Variants in UBN2 observed in about 807,000 individuals in gnomAD.
UBN2 encodes ubinuclein 2, also known as ubinuclein-2.
Under a neutral mutation model 120.2 loss-of-function variants are expected in UBN2, and 35 were observed. The ratio of observed to expected loss-of-function variants is 0.29; its 90% confidence interval spans 0.22 to 0.39. UBN2 has a LOEUF of 0.39. Ranked by LOEUF, UBN2 falls within the 10% of genes least tolerant of loss-of-function variation. UBN2 has a pLI of 1.00. For missense variants in UBN2, 1,693 were observed against 1,663.2 expected (o/e 1.02, Z -0.31); for synonymous variants, 661 against 648.7 (o/e 1.02, Z -0.29).
intron 2 of UBN2, among the ~76,000 whole-genome samples, chr7:139,248,841 C>G (rs1432184320): frequency 6.6e-6 from 1 of 152,054 alleles, no homozygotes; most frequent in African/African-American, 2.4e-5. Context: ...CTCTCTCTTT[C>G]CTTTTCCTGA....
intron 2 of UBN2, among the ~76,000 whole-genome samples, chr7:139,237,860 G>T (rs1796207927): frequency 6.6e-6 from 1 of 152,056 alleles, no homozygotes; most frequent in African/African-American, 2.4e-5. Context: ...GTGAATGTGT[G>T]TACTTCTAAG....
In UBN2 at chr7:139,308,041, T is replaced by TA. The variant is rs1798395121; in HGVS notation, c.*10207dup. 3 of 148,102 alleles carry TA rather than the reference T, an allele frequency of 2.0e-5. No individual in the cohort carries two copies. The highest frequency in any genetic ancestry group is 7.7e-5 in the African/African-American group (3 of 38,816). 9.2% of individuals were successfully genotyped at this position (148,102 alleles called of 1,614,324 possible). A position where few individuals can be genotyped will look rare whatever the true frequency, so the allele number is the denominator to read the frequency against. On this transcript the variant is annotated 3_prime_UTR_variant, in exon 18 of 18. Coordinates refer to ENST00000473989, the MANE Select transcript of UBN2 (RefSeq NM_173569.4). ...GATTTTTGTGTTTTTTTTTTTTTTT[T>TA]AATTTTTTTGCAACAGCCTTGCTCA...
intron 12 of UBN2, chr7:139,277,524 T>A (rs1430063655): frequency 6.6e-6 from 1 of 152,234 alleles, no homozygotes; most frequent in East Asian, 1.9e-4. Flanking sequence ...ATTCATTAGG[T>A]TGAAGTGAAT....
chr7:139,239,472 G>A (rs1181158536), intron 2 of UBN2, among the ~76,000 whole-genome samples: 2 of 151,684 alleles, frequency 1.3e-5, no homozygotes, highest in South Asian at 2.1e-4. Context: ...GATTCAGGTC[G>A]GAAGATTTAT....
At chr7:139,235,758 T>C (rs1002103205) in intron 1 of UBN2, among the ~76,000 whole-genome samples, 1 of 152,218 alleles carries the variant, frequency 6.6e-6, no homozygotes, top group African/African-American at 2.4e-5. Context: ...TTATTACTTA[T>C]TACAATAATT....
intron 3 of UBN2, among the ~76,000 whole-genome samples, chr7:139,257,069 A>T (rs932559456): frequency 1.3e-5 from 2 of 152,230 alleles, no homozygotes; most frequent in African/African-American, 2.4e-5. Flanking sequence ...CCTCGGAAGT[A>T]GAGGTCTAGA....
rs774746952 is a variant in UBN2 at position 139,273,325 on chromosome 7, A to G, written c.1744A>G (p.Asn582Asp). The G allele has an allele frequency of 1.2e-6, 2 of 1,607,068 alleles. No individual in the cohort carries two copies. Among genetic ancestry groups the G allele is most frequent in the Non-Finnish European group, 1.7e-6 (2 of 1,176,784 alleles). Residue 582 changes from asparagine to aspartate, a missense_variant, in exon 10 of 18, where the codon AAT becomes GAT. By Grantham distance (23) the Asn-to-Asp change is conservative. Around this residue, in one of 5 missense-constraint regions of UBN2, gnomAD observed 178 missense variants for 204.0 expected, o/e 0.87. Transcript: ENST00000473989. The part of the protein sequence containing the change: ...KLQTDEEREK[N>D]GSEEDDDEKP... ...GCAGACAGATGAAGAACGAGAAAAA[A>G]ATGGATCTGAAGAGGATGATGATGA...
chr7:139,324,859 T>C, the UBN2 span, among the ~76,000 whole-genome samples: 2 of 151,524 alleles, frequency 1.3e-5, no homozygotes, highest in Admixed American at 1.3e-4. Flanking sequence ...TAATGCCAGC[T>C]ACTTGGGAGG....
At chr7:139,252,937 T>C (rs1796659573) in intron 3 of UBN2, among the ~76,000 whole-genome samples, 1 of 152,134 alleles carries the variant, frequency 6.6e-6, no homozygotes, top group East Asian at 1.9e-4. Context: ...GATTTTAGTG[T>C]TCTTTTTTTT....
chr7:139,246,450 CAGTT>C (rs1237447696), intron 2 of UBN2, among the ~76,000 whole-genome samples: 2 of 152,114 alleles, frequency 1.3e-5, no homozygotes, highest in African/African-American at 2.4e-5. Flanking sequence ...CTAGTATTGA[CAGTT>C]AGAATGGAAA....
intron 6 of UBN2, among the ~76,000 whole-genome samples, chr7:139,264,030 A>C (rs1415237905): frequency 6.6e-6 from 1 of 152,210 alleles, no homozygotes; most frequent in Non-Finnish European, 1.5e-5. Flanking sequence ...AAGAGATTAT[A>C]ACTTAATTTG....
intron 15 of UBN2, among the ~76,000 whole-genome samples, chr7:139,289,027 C>T (rs1797868252): frequency 6.6e-6 from 1 of 151,036 alleles, no homozygotes. Flanking sequence ...AAAATTAATG[C>T]CCACTACGGG....
chr7:139,231,666 C>T lies in UBN2; in HGVS notation c.182C>T (p.Ser61Leu), dbSNP rs1174431816. 8.4e-7 allele frequency: 1 copy of T among 1,193,634 alleles called. No homozygotes were observed. The highest frequency in any genetic ancestry group is 1.0e-6 in the Non-Finnish European group (1 of 966,236). The allele number at this position is 1,193,634 out of a possible 1,614,324, so 73.9% of individuals were successfully genotyped here. Residue 61 changes from serine to leucine, a missense_variant, in exon 1 of 18, where the codon TCG becomes TTG. This residue lies in a region of UBN2 where 663 missense variants were observed against 591.2 expected (regional missense o/e 1.12). Coordinates refer to ENST00000473989, the MANE Select transcript of UBN2 (RefSeq NM_173569.4). ...GCCCCGCGGGAGCCTGCCCCCCGCT[C>T]GGACGCGCAGCCCCCGTCGCGGGAG... The part of the protein sequence containing the change: ...PPAPREPAPR[S>L]DAQPPSREKP...
At position 139,300,826 on chromosome 7, in the gene UBN2, A is replaced by G. The variant is rs1403100729; in HGVS notation, c.*2990A>G. The G allele has an allele frequency of 6.6e-6, 1 of 152,244 alleles. No individual in the cohort carries two copies. Among genetic ancestry groups the G allele is most frequent in the East Asian group, 1.9e-4 (1 of 5,206 alleles). 9.4% of individuals were successfully genotyped at this position (152,244 alleles called of 1,614,324 possible). A position where few individuals can be genotyped will look rare whatever the true frequency, so the allele number is the denominator to read the frequency against. On this transcript the variant is annotated 3_prime_UTR_variant, in exon 18 of 18. Transcript: ENST00000473989. Reference sequence around the variant, plus strand: ...AGTCAGCAGGGTTGTCCTCGGAGATAGCTGTGCTGAGCCTCAGTTGGAGAC... The same window carrying G: ...AGTCAGCAGGGTTGTCCTCGGAGATGGCTGTGCTGAGCCTCAGTTGGAGAC...
At chr7:139,293,648 G>T (rs1206284404) in intron 16 of UBN2, 185 bp downstream of exon 16, 1 of 646,452 alleles carries the variant, frequency 1.5e-6, no homozygotes, top group Non-Finnish European at 2.6e-6. Flanking sequence ...TTTATATACA[G>T]TTTTTAAGCT....
chr7:139,274,690 A>G (rs371499503), intron 11 of UBN2, among the ~76,000 whole-genome samples: 1 of 151,594 alleles, frequency 6.6e-6, no homozygotes, highest in South Asian at 2.1e-4. Flanking sequence ...TGAACCCCAG[A>G]GGTGGAGGTT....
intron 8 of UBN2, among the ~76,000 whole-genome samples, chr7:139,270,711 A>G (rs2131005093): frequency 6.6e-6 from 1 of 151,986 alleles, no homozygotes. Flanking sequence ...TTCAAAAGTA[A>G]TCATCTAGGA....
At chr7:139,232,788 A>G (rs1796064324) in intron 1 of UBN2, among the ~76,000 whole-genome samples, 1 of 152,194 alleles carries the variant, frequency 6.6e-6, no homozygotes, top group Admixed American at 6.5e-5. Flanking sequence ...GTCAGCTTTG[A>G]ATTTTTTAAA....
chr7:139,269,520 C>A lies in UBN2; in HGVS notation c.1593C>A (p.Val531=). The change falls in exon 8 of 18, where the codon GTC becomes GTA. Residue 531 remains valine, a synonymous_variant. Transcript: ENST00000473989. ...VKRLKKLHLN[V]QDDRLREPLQ... ...GTCTGAAGAAGTTACATCTCAATGTCCAGGTAAGAGGAAGAACAATAATAT... is the reference window on the plus strand; with the variant it reads ...GTCTGAAGAAGTTACATCTCAATGTACAGGTAAGAGGAAGAACAATAATAT... 1.2e-6 allele frequency: 2 copies of A among 1,613,668 alleles called. No homozygotes were observed. Among genetic ancestry groups the A allele is most frequent in the Non-Finnish European group, 1.7e-6 (2 of 1,179,860 alleles).
Sources: gnomAD v4.1 joint callset for allele counts (sites outside exome capture counted in the v4.1 genomes callset) on GRCh38, gnomAD v4.1.1 for gene constraint, gnomAD v4.1.1 regional missense constraint, MANE v1.5 for transcripts, NCBI Gene and HGNC (gene_info 2026-07-23, HGNC 2026-07-21) for gene names.